USP25: variants seen among roughly 807,000 people sequenced by gnomAD.
USP25 encodes ubiquitin carboxyl-terminal hydrolase 25.
Under a neutral mutation model 158.5 loss-of-function variants are expected in USP25, and 85 were observed. That is an observed-to-expected ratio of 0.54 (90% confidence interval 0.45 to 0.64). The LOEUF is 0.64. Among genes scored for constraint, USP25 ranks in the 30% least tolerant of loss-of-function variants. The probability of loss-of-function intolerance (pLI) is 0.00; values close to 1 mark genes in which losing one functional copy is unlikely to be tolerated. For synonymous variants in USP25, 464 were observed against 460.4 expected (o/e 1.01, Z -0.10); for missense variants, 1,242 against 1,327.3 (o/e 0.94, Z 1.00).
intron 20 of USP25, among the ~76,000 whole-genome samples, chr21:15,853,177 T>A (rs561670508): frequency 5.3e-5 from 8 of 152,322 alleles, no homozygotes; most frequent in Non-Finnish European, 1.2e-4. Context: ...ATGTAGATTT[T>A]ACTGTTCATA....
intron 24 of USP25, chr21:15,876,991 G>T (rs1403178545): frequency 2.0e-5 from 3 of 151,902 alleles, no homozygotes; most frequent in Non-Finnish European, 4.4e-5. Flanking sequence ...GGATTTCTCT[G>T]TTCTACTAGA....
At chr21:15,832,882 G>A (rs1228753884) in intron 16 of USP25, among the ~76,000 whole-genome samples, 1 of 152,074 alleles carries the variant, frequency 6.6e-6, no homozygotes. Flanking sequence ...GCCGGGCTTG[G>A]TGGTGGGCAC....
intron 7 of USP25, among the ~76,000 whole-genome samples, chr21:15,806,662 T>G (rs1568829556): frequency 6.6e-6 from 1 of 152,182 alleles, no homozygotes; most frequent in Non-Finnish European, 1.5e-5. Flanking sequence ...TCTTTTTCTT[T>G]AGAGGCCTTT....
chr21:15,862,803 T>C (rs1227407086), intron 20 of USP25, among the ~76,000 whole-genome samples: 2 of 151,774 alleles, frequency 1.3e-5, no homozygotes, highest in African/African-American at 2.4e-5. Flanking sequence ...TAATTTGTTC[T>C]CTTATTCTAT....
chr21:15,737,749 G>A, intron 1 of USP25, among the ~76,000 whole-genome samples: 1 of 151,328 alleles, frequency 6.6e-6, no homozygotes, highest in East Asian at 1.9e-4. Flanking sequence ...TGCGAGGTAG[G>A]GATACAGTTT....
chr21:15,828,646 A>G (rs2037645866), intron 14 of USP25, among the ~76,000 whole-genome samples: 1 of 152,158 alleles, frequency 6.6e-6, no homozygotes, highest in South Asian at 2.1e-4. Flanking sequence ...TTAAGTTTGA[A>G]GAGCTTTTTT....
intron 20 of USP25, among the ~76,000 whole-genome samples, chr21:15,860,535 T>A (rs2039380149): frequency 6.6e-6 from 1 of 152,150 alleles, no homozygotes; most frequent in Non-Finnish European, 1.5e-5. Context: ...TTTCTTTGGC[T>A]CAAGAATAAT....
chr21:15,788,788 T>G (rs779103450), intron 4 of USP25, among the ~76,000 whole-genome samples: 1 of 152,130 alleles, frequency 6.6e-6, no homozygotes, highest in African/African-American at 2.4e-5. Flanking sequence ...ACCCATACTT[T>G]TGTTAACAGT....
At chr21:15,794,811 T>C (rs954015141) in intron 5 of USP25, among the ~76,000 whole-genome samples, 8 of 151,414 alleles carry the variant, frequency 5.3e-5, no homozygotes, top group African/African-American at 1.9e-4. Flanking sequence ...TACTCTATAT[T>C]ATATATATAA....
intron 1 of USP25, among the ~76,000 whole-genome samples, chr21:15,750,993 G>C (rs2032973014): frequency 6.6e-6 from 1 of 152,176 alleles, no homozygotes; most frequent in Non-Finnish European, 1.5e-5. Context: ...CAAGGAATTT[G>C]TTTCAGGGTC....
chr21:15,832,745 G>A (rs183105789), intron 16 of USP25, among the ~76,000 whole-genome samples: 106 of 152,038 alleles, frequency 7.0e-4, no homozygotes, highest in African/African-American at 2.6e-3. Flanking sequence ...ATGGCCGGGC[G>A]CGGTGGCTTA....
chr21:15,777,796 G>A, intron 3 of USP25, 108 bp from the exon 4 acceptor site: 7 of 967,168 alleles, frequency 7.2e-6, no homozygotes, highest in Non-Finnish European at 9.9e-6. Flanking sequence ...TACAAAATTA[G>A]TTGGTACTGA....
Position 15,825,032 on chromosome 21 carries a change from C to T in USP25, c.1275C>T (p.Tyr425=). ...KREEIKRLKD[Y]LTVLQQRLER... is the part of the protein sequence containing the mutation. Reference sequence around the variant, plus strand: ...AAGAGATCAAGAGACTGAAAGATTACCTCACGGTATTACAACAAAGGCTAG... The same window carrying T: ...AAGAGATCAAGAGACTGAAAGATTATCTCACGGTATTACAACAAAGGCTAG... The change falls in exon 12 of 26, where the codon TAC becomes TAT. Residue 425 remains tyrosine (Y), a synonymous_variant. Coordinates refer to ENST00000400183, the MANE Select transcript of USP25 (RefSeq NM_001283041.3). The T allele has an allele frequency of 6.2e-7, 1 of 1,611,370 alleles. No homozygotes were observed. The highest frequency in any genetic ancestry group is 8.5e-7 in the Non-Finnish European group (1 of 1,178,708).
At chr21:15,795,118 T>C (rs1295166311) in intron 5 of USP25, among the ~76,000 whole-genome samples, 1 of 151,584 alleles carries the variant, frequency 6.6e-6, no homozygotes, top group African/African-American at 2.4e-5. Flanking sequence ...CTTCTCTATC[T>C]TCATTTTTCT....
chr21:15,832,800 T>C (rs1490329312), intron 16 of USP25, among the ~76,000 whole-genome samples: 2 of 151,874 alleles, frequency 1.3e-5, no homozygotes, highest in East Asian at 1.9e-4. Context: ...GGGCAGATCA[T>C]GAGGTCAGGA....
chr21:15,828,109 A>G (rs1255916033), intron 14 of USP25, among the ~76,000 whole-genome samples: 3 of 152,144 alleles, frequency 2.0e-5, no homozygotes, highest in African/African-American at 4.8e-5. Context: ...TATATGACCA[A>G]CTTAACTCTT....
intron 20 of USP25, among the ~76,000 whole-genome samples, chr21:15,851,624 TTC>T: frequency 6.6e-6 from 1 of 152,080 alleles, no homozygotes. Flanking sequence ...TATTACTACT[TTC>T]TGTTTTTCCC....
intron 17 of USP25, among the ~76,000 whole-genome samples, chr21:15,839,092 A>G (rs2038201687): frequency 6.6e-6 from 1 of 152,158 alleles, no homozygotes; most frequent in South Asian, 2.1e-4. Context: ...AGGAATAAGG[A>G]TATTATTTAC....
intron 20 of USP25, among the ~76,000 whole-genome samples, chr21:15,856,558 G>A (rs1429552465): frequency 2.6e-5 from 4 of 151,498 alleles, no homozygotes; most frequent in African/African-American, 7.3e-5. Context: ...TGCAAGCTCC[G>A]CCTCCCGGGT....
Sources: gnomAD v4.1 joint callset for allele counts (sites outside exome capture counted in the v4.1 genomes callset) on GRCh38, gnomAD v4.1.1 for gene constraint, MANE v1.5 for transcripts, NCBI Gene and HGNC (gene_info 2026-07-23, HGNC 2026-07-21) for gene names.